L2HGDH: variants seen among roughly 807,000 people sequenced by gnomAD.
L2HGDH encodes the protein L-2-hydroxyglutarate dehydrogenase, mitochondrial.
A neutral mutation model predicts 51.5 loss-of-function variants in L2HGDH; 34 were observed. The ratio of observed to expected loss-of-function variants is 0.66; its 90% confidence interval spans 0.50 to 0.88. The LOEUF is 0.88. Among genes scored for constraint, L2HGDH ranks in the 40% least tolerant of loss-of-function variants. The pLI, the probability that L2HGDH is intolerant of heterozygous loss-of-function variation, is 0.00. For missense variants in L2HGDH, 558 were observed against 571.9 expected (o/e 0.98, Z 0.25); for synonymous variants, 198 against 197.9 (o/e 1.00, Z -0.01).
rs906970122 is a variant in L2HGDH, at chr14:50,307,818, T to TA, written c.140+4192dup. 1.8e-3 allele frequency among the ~76,000 whole-genome samples: 277 copies of TA among 152,244 alleles called. 2 individuals are homozygous for TA. Among genetic ancestry groups the TA allele is most frequent in the African/African-American group, 6.4e-3 (266 of 41,556 alleles). On this transcript the variant is annotated intron_variant, in intron 1 of 9. Transcript: ENST00000267436. ...TAAAAACACACACTACCATTATAGTTAAAAAAACTAACACAAAATTTTTTA... is the reference window on the plus strand; with the variant it reads ...TAAAAACACACACTACCATTATAGTTAAAAAAAACTAACACAAAATTTTTTA...
At chr14:50,308,988 T>A (rs893674083) in intron 1 of L2HGDH, among the ~76,000 whole-genome samples, 1 of 151,164 alleles carries the variant, frequency 6.6e-6, no homozygotes, top group East Asian at 2.0e-4. Context: ...AAGGATAGTA[T>A]GCTGTGTGAA....
intron 7 of L2HGDH, 123 bp from the exon 8 acceptor site, chr14:50,268,033 AC>A: frequency 1.1e-6 from 1 of 924,226 alleles, no homozygotes; most frequent in East Asian, 2.5e-5. Flanking sequence ...TGTGAGCTGT[AC>A]TCAGATATAC....
chr14:50,259,900 T>C (rs1317407038), intron 9 of L2HGDH, among the ~76,000 whole-genome samples: 3 of 151,380 alleles, frequency 2.0e-5, no homozygotes, highest in African/African-American at 2.4e-5. Flanking sequence ...TGTGGTCAAA[T>C]TATCTGATTT....
chr14:50,254,439 A>G (rs1888541337), intron 9 of L2HGDH, among the ~76,000 whole-genome samples: 1 of 152,116 alleles, frequency 6.6e-6, no homozygotes, highest in Non-Finnish European at 1.5e-5. Flanking sequence ...GCATATGTTT[A>G]TCAGCTGGTA....
rs2031117947 is a variant in L2HGDH, at chr14:50,310,998, C to CAAT, written c.140+1010_140+1012dup. On this transcript the variant is annotated intron_variant, in intron 1 of 9. Transcript: ENST00000267436. ...TTGCTCTGTCGCCCAGGCTGGAGTG[C>CAAT]AATGGTGCGATCTCAGCTTACTGCA... Among the ~76,000 whole-genome samples, 3 of 124,320 alleles carry CAAT rather than the reference C, an allele frequency of 2.4e-5. No homozygotes were observed. The Admixed American group carries it at 3.2e-4, about 13-fold the overall frequency. The allele number at this position is 124,320 out of a possible 152,430, so 81.6% of individuals were successfully genotyped here. A position where few individuals can be genotyped will look rare whatever the true frequency, so the allele number is the denominator to read the frequency against.
At chr14:50,296,490 C>G (rs540931694) in intron 3 of L2HGDH, among the ~76,000 whole-genome samples, 3 of 143,914 alleles carry the variant, frequency 2.1e-5, no homozygotes, top group Admixed American at 6.9e-5. Context: ...ATTAGAAAAT[C>G]TAGATGAACA....
At chr14:50,283,187 C>A (rs1386984963) in intron 5 of L2HGDH, among the ~76,000 whole-genome samples, 1 of 151,172 alleles carries the variant, frequency 6.6e-6, no homozygotes, top group Non-Finnish European at 1.5e-5. Context: ...GGCAACAGAG[C>A]AAGACCCTGC....
intron 9 of L2HGDH, among the ~76,000 whole-genome samples, chr14:50,262,530 C>G (rs1484685280): frequency 1.3e-4 from 19 of 150,694 alleles, no homozygotes; most frequent in Non-Finnish European, 3.0e-5. Context: ...ATTTTTTTAT[C>G]TAACAGCTTA....
At chr14:50,251,832 A>G (rs924477767) in intron 9 of L2HGDH, among the ~76,000 whole-genome samples, 3 of 152,142 alleles carry the variant, frequency 2.0e-5, no homozygotes, top group African/African-American at 4.8e-5. Flanking sequence ...GAGGGATTTC[A>G]TCAACACTAG....
At chr14:50,250,602 T>C (rs543650410) in intron 9 of L2HGDH, among the ~76,000 whole-genome samples, 1 of 152,186 alleles carries the variant, frequency 6.6e-6, no homozygotes, top group Non-Finnish European at 1.5e-5. Flanking sequence ...CAAGACCCAG[T>C]GCTGGGCTGG....
At chr14:50,282,490 T>C (rs1336149428) in intron 5 of L2HGDH, 1 of 455,942 alleles carries the variant, frequency 2.2e-6, no homozygotes, top group Non-Finnish European at 4.4e-6. Context: ...TCTGAAATTC[T>C]TGCTCGTTAT....
intron 3 of L2HGDH, 106 bp from the exon 4 acceptor site, chr14:50,294,352 GTTAA>G: frequency 9.1e-7 from 1 of 1,097,796 alleles, no homozygotes. Context: ...CCCAAAGGAG[GTTAA>G]TTTTTTAAAA....
chr14:50,297,692 T>G (rs1216645802), intron 3 of L2HGDH, among the ~76,000 whole-genome samples: 1 of 152,214 alleles, frequency 6.6e-6, no homozygotes, highest in Non-Finnish European at 1.5e-5. Context: ...TTTAAAATTT[T>G]TTTTAAATGA....
Position 50,243,435 on chromosome 14 carries a change from T to C in L2HGDH, c.*3623A>G, listed in dbSNP as rs8008033. 2,102 of 934,800 alleles carry C rather than the reference T, an allele frequency of 2.2e-3. 40 individuals carry two copies. The African/African-American group carries it at 0.035, about 16-fold the overall frequency. 57.9% of individuals were successfully genotyped at this position (934,800 alleles called of 1,614,324 possible). A position where few individuals can be genotyped will look rare whatever the true frequency, so the allele number is the denominator to read the frequency against. The stretch of plus-strand genomic sequence containing the variant: ...TTACACATAAAAAAATTTATTTGCA[T>C]AAAAGTTTTTATGGAACTAAAAAAT... On this transcript the variant is annotated 3_prime_UTR_variant, in exon 10 of 10. Transcript: ENST00000267436.
intron 1 of L2HGDH, among the ~76,000 whole-genome samples, chr14:50,310,183 T>C (rs773724943): frequency 3.9e-5 from 6 of 152,168 alleles, no homozygotes; most frequent in East Asian, 1.9e-4. Context: ...GATGTTTTCA[T>C]TGGGGTAAAT....
At chr14:50,253,855 A>C (rs1462963197) in intron 9 of L2HGDH, among the ~76,000 whole-genome samples, 1 of 152,196 alleles carries the variant, frequency 6.6e-6, no homozygotes, top group African/African-American at 2.4e-5. Context: ...TCAGCCATTA[A>C]AAAGAATGAG....
intron 3 of L2HGDH, among the ~76,000 whole-genome samples, chr14:50,298,231 G>A (rs2139203251): frequency 6.7e-6 from 1 of 149,988 alleles, no homozygotes; most frequent in South Asian, 2.1e-4. Context: ...GTAACAGCAA[G>A]ACTCTGTCTC....
intron 1 of L2HGDH, among the ~76,000 whole-genome samples, chr14:50,311,607 C>T (rs1401735601): frequency 1.3e-5 from 2 of 152,160 alleles, no homozygotes; most frequent in East Asian, 3.9e-4. Context: ...CCAAGCAACG[C>T]CAAAGACTCC....
In L2HGDH at chr14:50,243,521, G is replaced by T; in HGVS notation, c.*3537C>A. The T allele has an allele frequency of 1.4e-6, 1 of 730,736 alleles. No individual in the cohort carries two copies. The highest frequency in any genetic ancestry group is 1.7e-6 in the Non-Finnish European group (1 of 598,280). The allele number at this position is 730,736 out of a possible 1,614,324, so 45.3% of individuals were successfully genotyped here. On this transcript the variant is annotated 3_prime_UTR_variant, in exon 10 of 10. Transcript: ENST00000267436. ...TTAAATATTAATATACATTTCTTCT[G>T]TCAGAAATACATAAAACTTTATTAT...
Sources: allele counts gnomAD v4.1 joint callset (sites outside exome capture counted in the v4.1 genomes callset), GRCh38; gene constraint gnomAD v4.1.1; transcripts MANE v1.5; gene names NCBI Gene and HGNC (gene_info 2026-07-23, HGNC 2026-07-21).